The following LRFN5 variants were observed in gnomAD, a reference collection of about 807,000 sequenced individuals.
LRFN5 encodes leucine-rich repeat and fibronectin type-III domain-containing protein 5.
A neutral mutation model predicts 45.6 loss-of-function variants in LRFN5; 24 were observed. The observed-to-expected ratio is 0.53, with a 90% CI of 0.38 to 0.74. LRFN5 has a LOEUF of 0.74. Among genes scored for constraint, LRFN5 ranks in the 30% least tolerant of loss-of-function variants. The pLI is 0.00. For synonymous variants in LRFN5, 340 were observed against 313.8 expected, an observed-to-expected ratio of 1.08 and a Z score of -0.88; for missense variants, 776 against 861.5, an observed-to-expected ratio of 0.90 and a Z score of 1.24.
rs114514772 is a variant in LRFN5, at chr14:41,859,159, C to T, written c.-20-27447C>T. Among the ~76,000 whole-genome samples the T allele has an allele frequency of 3.6e-3, 544 of 152,288 alleles. 3 individuals are homozygous for T. Among genetic ancestry groups the T allele is most frequent in the African/African-American group, 0.013 (528 of 41,562 alleles). On this transcript the variant is annotated intron_variant, in intron 2 of 5. Transcript: ENST00000298119. The stretch of plus-strand genomic sequence containing the variant: ...CTTTGTCAGGTGAACAAGCTGACAT[C>T]ATTCCTGAAAATTTAACAGTCTTCC...
chr14:41,619,955 T>C (rs1355471433), intron 1 of LRFN5, among the ~76,000 whole-genome samples: 1 of 152,100 alleles, frequency 6.6e-6, no homozygotes, highest in Non-Finnish European at 1.5e-5. Flanking sequence ...ATTATTATTA[T>C]ATATTGAAAG....
At chr14:41,872,398 T>C (rs894191327) in intron 2 of LRFN5, among the ~76,000 whole-genome samples, 3 of 152,226 alleles carry the variant, frequency 2.0e-5, no homozygotes, top group African/African-American at 7.2e-5. Flanking sequence ...AGCATATTCA[T>C]ATTTGATGCT....
chr14:41,833,270 C>A (rs550248295), intron 2 of LRFN5, among the ~76,000 whole-genome samples: 80 of 152,290 alleles, frequency 5.3e-4, no homozygotes, highest in Middle Eastern at 3.4e-3. Context: ...CAGGAAAAGT[C>A]AGCTTATCCA....
chr14:41,617,530 C>T (rs577422420), intron 1 of LRFN5, among the ~76,000 whole-genome samples: 11 of 152,166 alleles, frequency 7.2e-5, no homozygotes, highest in Admixed American at 5.9e-4. Context: ...TATGAGCATC[C>T]TCTGATCATA....
intron 1 of LRFN5, among the ~76,000 whole-genome samples, chr14:41,724,347 G>C (rs949955640): frequency 9.9e-5 from 15 of 152,132 alleles, no homozygotes; most frequent in African/African-American, 3.6e-4. Flanking sequence ...CAGTTAGCGT[G>C]ACTGAAAGAA....
At chr14:41,639,978 T>TTA (rs1879497909) in intron 1 of LRFN5, among the ~76,000 whole-genome samples, 6 of 78,038 alleles carry the variant, frequency 7.7e-5, no homozygotes, top group African/African-American at 3.1e-4. Context: ...TTTTTTTTTT[T>TTA]ATTTACAGCT....
chr14:41,626,780 T>C (rs1445365387), intron 1 of LRFN5, among the ~76,000 whole-genome samples: 1 of 152,104 alleles, frequency 6.6e-6, no homozygotes, highest in Non-Finnish European at 1.5e-5. Flanking sequence ...CTGTGTATTC[T>C]AATTTACTCT....
intron 1 of LRFN5, among the ~76,000 whole-genome samples, chr14:41,714,301 A>T (rs938677807): frequency 6.6e-6 from 1 of 152,112 alleles, no homozygotes; most frequent in Non-Finnish European, 1.5e-5. Context: ...AAATTTGGTC[A>T]TGCTTCTCCT....
At chr14:41,703,362 T>A (rs1882915778) in intron 1 of LRFN5, among the ~76,000 whole-genome samples, 1 of 152,140 alleles carries the variant, frequency 6.6e-6, no homozygotes, top group South Asian at 2.1e-4. Context: ...AACATTGGAC[T>A]TTTTCCTTTT....
chr14:41,837,154 C>G lies in LRFN5; in HGVS notation c.-20-49452C>G, dbSNP rs764019229. ...TCAGCGGACTGAGAAGTTGGAGGCA[C>G]TAAAGGGAATTTGAAGAATTATCTC... On this transcript the variant is annotated intron_variant, in intron 2 of 5. Coordinates refer to ENST00000298119, the MANE Select transcript of LRFN5 (RefSeq NM_152447.5). Among the ~76,000 whole-genome samples the G allele has an allele frequency of 1.4e-4, 17 of 117,270 alleles. 1 individual carries two copies. Among genetic ancestry groups the G allele is most frequent in the Non-Finnish European group, 1.9e-4 (12 of 61,612 alleles). 76.9% of individuals were successfully genotyped at this position (117,270 alleles called of 152,430 possible).
At chr14:41,797,546 C>T (rs982275029) in intron 2 of LRFN5, among the ~76,000 whole-genome samples, 6 of 151,442 alleles carry the variant, frequency 4.0e-5, no homozygotes, top group African/African-American at 1.5e-4. Context: ...TTCTTTCTTT[C>T]TTAAAGTTTC....
At chr14:41,821,381 A>G (rs931991356) in intron 2 of LRFN5, among the ~76,000 whole-genome samples, 16 of 151,942 alleles carry the variant, frequency 1.1e-4, no homozygotes, top group Non-Finnish European at 1.9e-4. Flanking sequence ...CTTTCTTTGC[A>G]TCTATTGAAA....
intron 1 of LRFN5, among the ~76,000 whole-genome samples, chr14:41,728,715 C>T (rs1594651543): frequency 6.6e-6 from 1 of 152,076 alleles, no homozygotes; most frequent in East Asian, 1.9e-4. Flanking sequence ...TTATAGCTGC[C>T]TTCTATATTG....
At chr14:41,834,166 A>G (rs567884204) in intron 2 of LRFN5, among the ~76,000 whole-genome samples, 2 of 151,854 alleles carry the variant, frequency 1.3e-5, no homozygotes, top group East Asian at 1.9e-4. Flanking sequence ...TTTCCCTAGG[A>G]AAAAAAAATT....
chr14:41,772,276 C>A (rs1489010675), intron 2 of LRFN5, among the ~76,000 whole-genome samples: 1 of 152,130 alleles, frequency 6.6e-6, no homozygotes, highest in African/African-American at 2.4e-5. Context: ...CTGGGGATTA[C>A]GTTGCAACAT....
chr14:41,813,978 TC>T (rs1420307831), intron 2 of LRFN5, among the ~76,000 whole-genome samples: 5 of 152,234 alleles, frequency 3.3e-5, no homozygotes, highest in African/African-American at 1.2e-4. Flanking sequence ...AAGTGTCTGT[TC>T]ATATCCTTTG....
chr14:41,799,280 A>G (rs1306274055), intron 2 of LRFN5, among the ~76,000 whole-genome samples: 1 of 152,018 alleles, frequency 6.6e-6, no homozygotes, highest in East Asian at 1.9e-4. Flanking sequence ...AAGGGAGTTC[A>G]TAATTGTTGT....
At chr14:41,611,552 T>A (rs1434127859) in intron 1 of LRFN5, among the ~76,000 whole-genome samples, 1 of 152,210 alleles carries the variant, frequency 6.6e-6, no homozygotes, top group African/African-American at 2.4e-5. Flanking sequence ...ATAAGATATC[T>A]ATAAGAACAA....
intron 4 of LRFN5, 172 bp downstream of exon 4, chr14:41,892,134 G>T: frequency 1.0e-6 from 1 of 985,360 alleles, no homozygotes; most frequent in Non-Finnish European, 1.2e-6. Flanking sequence ...TGTTCTGATG[G>T]TCATAGTGGA....
Sources: allele counts gnomAD v4.1 joint callset (sites outside exome capture counted in the v4.1 genomes callset), GRCh38; gene constraint gnomAD v4.1.1; transcripts MANE v1.5; gene names NCBI Gene and HGNC (gene_info 2026-07-23, HGNC 2026-07-21).